Variants in DNAH14 observed in about 807,000 individuals in gnomAD.
The protein encoded by DNAH14 is axonemal beta dynein heavy chain 14.
In DNAH14, 478 loss-of-function variants were observed where a neutral mutation model predicts 520.9. That is an observed-to-expected ratio of 0.92 (90% confidence interval 0.85 to 0.99). DNAH14 has a LOEUF of 0.99. DNAH14 is among the 50% of genes least tolerant of loss of function. The probability of loss-of-function intolerance (pLI) is 0.00; values close to 1 mark genes in which losing one functional copy is unlikely to be tolerated. For missense variants in DNAH14, 4,831 were observed against 5,234.5 expected (o/e 0.92, Z 2.38); for synonymous variants, 1,581 against 1,757.2 (o/e 0.90, Z 2.51).
chr1:225,063,197 G>A (rs1215996958), intron 17 of DNAH14, among the ~76,000 whole-genome samples: 1 of 152,086 alleles, frequency 6.6e-6, no homozygotes, highest in Non-Finnish European at 1.5e-5. Flanking sequence ...ATTTGTGGAG[G>A]ATTTGTTTCA....
At chr1:225,360,179 A>G (rs6682325) in intron 74 of DNAH14, among the ~76,000 whole-genome samples, 62,021 of 152,054 alleles carry the variant, frequency 0.41, 13,218 homozygotes, top group East Asian at 0.62. Flanking sequence ...AAATTATCTC[A>G]TTCCTTTCTA....
chr1:225,282,190 G>A (rs546963226), intron 54 of DNAH14, among the ~76,000 whole-genome samples: 5 of 152,292 alleles, frequency 3.3e-5, no homozygotes, highest in South Asian at 4.1e-4. Context: ...CAAACACACC[G>A]ATGGCAGACA....
In DNAH14 at chr1:225,266,708, A is replaced by G. The variant is rs1420414629; in HGVS notation, c.7478A>G (p.Glu2493Gly). The G allele has an allele frequency of 6.5e-7, 1 of 1,528,022 alleles. No individual in the cohort carries two copies. The highest frequency in any genetic ancestry group is 8.8e-7 in the Non-Finnish European group (1 of 1,140,924). The allele number at this position is 1,528,022 out of a possible 1,614,324, so 94.7% of individuals were successfully genotyped here. A position where few individuals can be genotyped will look rare whatever the true frequency, so the allele number is the denominator to read the frequency against. Residue 2493 changes from glutamate (E) to glycine (G), a missense_variant, in exon 49 of 86, where the codon GAA becomes GGA. Glu to Gly is a moderately conservative substitution (Grantham distance 98, BLOSUM62 -2). Coordinates refer to ENST00000682510, the MANE Select transcript of DNAH14 (RefSeq NM_001367479.1). Reference protein sequence around the residue: ...SDMYGAQPPLELIRQLLDLGG... With the variant: ...SDMYGAQPPLGLIRQLLDLGG... The stretch of plus-strand genomic sequence containing the variant: ...ATGTATGGAGCACAGCCACCCCTGG[A>G]ATTGATAAGACAATTGTTAGATTTG...
chr1:225,094,640 G>A (rs1489437783), intron 21 of DNAH14, among the ~76,000 whole-genome samples: 1 of 66,426 alleles, frequency 1.5e-5, no homozygotes, highest in Non-Finnish European at 3.8e-5. Context: ...AATTAAACTA[G>A]AAAGCTTCTG....
At chr1:225,297,093 C>T (rs2094025997) in intron 55 of DNAH14, among the ~76,000 whole-genome samples, 1 of 152,064 alleles carries the variant, frequency 6.6e-6, no homozygotes, top group Non-Finnish European at 1.5e-5. Flanking sequence ...CCCTTCTCTT[C>T]TCCTTCTGGA....
At chr1:224,998,063 A>T (rs961122024) in intron 8 of DNAH14, among the ~76,000 whole-genome samples, 1 of 152,176 alleles carries the variant, frequency 6.6e-6, no homozygotes, top group Non-Finnish European at 1.5e-5. Context: ...CTAAGTTGTC[A>T]GATTTATGTA....
intron 1 of DNAH14, among the ~76,000 whole-genome samples, chr1:224,935,551 A>C (rs1053535400): frequency 7.2e-5 from 11 of 151,916 alleles, no homozygotes; most frequent in African/African-American, 2.7e-4. Flanking sequence ...TATGCAACCA[A>C]CACTGGAGCA....
At chr1:225,248,825 G>A (rs935448510) in intron 43 of DNAH14, among the ~76,000 whole-genome samples, 1 of 152,152 alleles carries the variant, frequency 6.6e-6, no homozygotes, top group Non-Finnish European at 1.5e-5. Context: ...TTGAAGGATA[G>A]TTGAATACAG....
In DNAH14 at chr1:225,094,690, ACAAAC is replaced by A. The variant is rs1558937510; in HGVS notation, c.3574-2427_3574-2423del. 1.8e-4 allele frequency among the ~76,000 whole-genome samples: 21 copies of A among 113,748 alleles called. 1 individual carries two copies. The highest frequency in any genetic ancestry group is 4.5e-4 in the African/African-American group (9 of 19,826). The allele number at this position is 113,748 out of a possible 152,430, so 74.6% of individuals were successfully genotyped here. ...AAAAAAAAAAAAAACAACAAAACAAACAAACAAAAAAACGCTATCAACAGAGTAAA... is the reference window on the plus strand; with the variant it reads ...AAAAAAAAAAAAAACAACAAAACAAAAAAAAAACGCTATCAACAGAGTAAA... On this transcript the variant is annotated intron_variant, in intron 21 of 85. Transcript: ENST00000682510.
At chr1:225,257,903 ATGAGGTG>A in intron 44 of DNAH14, 50 bp from the exon 45 acceptor site, 1 of 1,050,480 alleles carries the variant, frequency 9.5e-7, no homozygotes, top group Non-Finnish European at 1.4e-6. Context: ...AAAAAAAAAG[ATGAGGTG>A]AATAGTACTT....
chr1:225,327,537 C>G (rs1188828576), intron 64 of DNAH14, among the ~76,000 whole-genome samples: 1 of 151,996 alleles, frequency 6.6e-6, no homozygotes, highest in Non-Finnish European at 1.5e-5. Flanking sequence ...AGAGACAAAT[C>G]AAATGCAACA....
At chr1:225,332,415 T>A (rs895541660) in intron 65 of DNAH14, among the ~76,000 whole-genome samples, 3 of 152,084 alleles carry the variant, frequency 2.0e-5, no homozygotes, top group African/African-American at 2.4e-5. Context: ...GGGCTCTTGC[T>A]TAACATGCTT....
intron 1 of DNAH14, among the ~76,000 whole-genome samples, chr1:224,931,289 GAAAT>G (rs1244032119): frequency 1.3e-5 from 2 of 152,094 alleles, no homozygotes; most frequent in Non-Finnish European, 2.9e-5. Flanking sequence ...AAAAGAGTAA[GAAAT>G]AAAGTTTATA....
At chr1:225,176,029 C>T (rs1270752643) in intron 36 of DNAH14, among the ~76,000 whole-genome samples, 1 of 152,138 alleles carries the variant, frequency 6.6e-6, no homozygotes, top group Admixed American at 6.5e-5. Context: ...GCTCGGATTA[C>T]AGGCATGAGC....
intron 77 of DNAH14, among the ~76,000 whole-genome samples, chr1:225,368,275 CAG>C (rs1228116237): frequency 6.6e-6 from 1 of 152,200 alleles, no homozygotes; most frequent in Non-Finnish European, 1.5e-5. Flanking sequence ...ACTAACCTCT[CAG>C]AGTCTTAGTT....
At chr1:225,336,127 G>T (rs2095047092) in intron 66 of DNAH14, among the ~76,000 whole-genome samples, 1 of 148,938 alleles carries the variant, frequency 6.7e-6, no homozygotes, top group African/African-American at 2.5e-5. Context: ...ACATATGTAT[G>T]TGTATATGTA....
At chr1:224,984,398 G>T (rs1373769328) in intron 8 of DNAH14, among the ~76,000 whole-genome samples, 2 of 152,086 alleles carry the variant, frequency 1.3e-5, no homozygotes, top group Non-Finnish European at 2.9e-5. Context: ...AACTGAAGAT[G>T]GATTAAGGAC....
intron 38 of DNAH14, among the ~76,000 whole-genome samples, chr1:225,195,555 A>C (rs747150789): frequency 2.6e-5 from 4 of 151,960 alleles, no homozygotes; most frequent in Non-Finnish European, 5.9e-5. Flanking sequence ...TTGGATACTA[A>C]GCTTATTACC....
At chr1:225,241,560 A>G (rs557910131) in intron 43 of DNAH14, among the ~76,000 whole-genome samples, 1 of 152,236 alleles carries the variant, frequency 6.6e-6, no homozygotes, top group East Asian at 1.9e-4. Flanking sequence ...GTGAATGTCA[A>G]AGAGTGAACT....
Sources: gnomAD v4.1 joint callset for allele counts (sites outside exome capture counted in the v4.1 genomes callset) on GRCh38, gnomAD v4.1.1 for gene constraint, MANE v1.5 for transcripts, NCBI Gene and HGNC (gene_info 2026-07-23, HGNC 2026-07-21) for gene names.